STMN2: variants seen among roughly 807,000 people sequenced by gnomAD.
STMN2 encodes stathmin 2.
Under a neutral mutation model 24.1 loss-of-function variants are expected in STMN2, and 2 were observed. The ratio of observed to expected loss-of-function variants is 0.08; its 90% CI spans 0.03 to 0.26. The LOEUF is 0.26. Among genes scored for constraint, STMN2 ranks in the 10% least tolerant of loss-of-function variants. The pLI is 1.00. For missense variants in STMN2, 114 were observed against 213.6 expected, an observed-to-expected ratio of 0.53 and a Z score of 2.91; for synonymous variants, 83 against 77.5, an observed-to-expected ratio of 1.07 and a Z score of -0.37.
chr8:79,651,303 A>C (rs1213400466), intron 3 of STMN2, among the ~76,000 whole-genome samples: 1 of 152,228 alleles, frequency 6.6e-6, no homozygotes. Context: ...AAAGAAATGC[A>C]CTTGACACCT....
At chr8:79,655,816 T>C (rs1003794485) in intron 4 of STMN2, among the ~76,000 whole-genome samples, 2 of 152,220 alleles carry the variant, frequency 1.3e-5, no homozygotes, top group African/African-American at 4.8e-5. Flanking sequence ...CTGTGTCCGT[T>C]TCCAGAAATT....
At position 79,665,097 on chromosome 8, in the gene STMN2, T is replaced by G; in HGVS notation, c.*223T>G. The G allele has an allele frequency of 2.9e-6, 1 of 345,610 alleles. No homozygotes were observed. The highest frequency in any genetic ancestry group is 5.2e-6 in the Non-Finnish European group (1 of 192,824). 21.4% of individuals were successfully genotyped at this position (345,610 alleles called of 1,614,324 possible). ...AATACCTTGGATCTTATTTTGTAAA[T>G]ACTTACATTTTTGTTAAAAAATACA... is the stretch of plus-strand genomic sequence containing the variant. On this transcript the variant is annotated 3_prime_UTR_variant, in exon 5 of 5. Transcript: ENST00000220876.
chr8:79,628,475 G>T (rs572190499), intron 1 of STMN2, among the ~76,000 whole-genome samples: 151 of 152,150 alleles, frequency 9.9e-4, no homozygotes, highest in African/African-American at 3.5e-3. Flanking sequence ...TTAATTTTTT[G>T]AGGAGCCTCC....
At chr8:79,653,232 C>T (rs1305439765) in intron 3 of STMN2, among the ~76,000 whole-genome samples, 1 of 152,054 alleles carries the variant, frequency 6.6e-6, no homozygotes, top group Admixed American at 6.6e-5. Flanking sequence ...CAAAAATTAG[C>T]AGGGTGTGGT....
chr8:79,646,139 C>G (rs1310392457), intron 3 of STMN2, among the ~76,000 whole-genome samples: 2 of 152,058 alleles, frequency 1.3e-5, no homozygotes, highest in African/African-American at 4.8e-5. Context: ...ATTCCACCCT[C>G]CCATCCTAAA....
intron 1 of STMN2, among the ~76,000 whole-genome samples, chr8:79,616,205 T>A (rs1293903157): frequency 2.0e-5 from 3 of 152,220 alleles, no homozygotes; most frequent in Non-Finnish European, 4.4e-5. Context: ...CATTTAAAGA[T>A]ACCTTTTTAA....
chr8:79,649,604 AT>A (rs150431232), intron 3 of STMN2, among the ~76,000 whole-genome samples: 1,633 of 152,280 alleles, frequency 0.011, 34 homozygotes, highest in African/African-American at 0.038. Context: ...GTGTAAAAGC[AT>A]TTTTTGGTAC....
intron 1 of STMN2, among the ~76,000 whole-genome samples, chr8:79,629,649 T>C (rs943756857): frequency 4.6e-5 from 7 of 152,224 alleles, no homozygotes; most frequent in African/African-American, 9.6e-5. Context: ...GGCTCCTACA[T>C]GCAGTTTTTG....
chr8:79,619,505 C>A (rs573335222), intron 1 of STMN2, among the ~76,000 whole-genome samples: 11 of 152,022 alleles, frequency 7.2e-5, no homozygotes, highest in Admixed American at 7.2e-4. Context: ...ACGAAACAAC[C>A]CCAACTTATA....
At chr8:79,631,054 AGGAC>A (rs1745888372) in intron 1 of STMN2, among the ~76,000 whole-genome samples, 1 of 152,196 alleles carries the variant, frequency 6.6e-6, no homozygotes, top group South Asian at 2.1e-4. Context: ...AAAGAAAAAA[AGGAC>A]AAGAGCCTGC....
intron 3 of STMN2, among the ~76,000 whole-genome samples, chr8:79,644,329 T>G (rs1471316559): frequency 6.6e-6 from 1 of 152,208 alleles, no homozygotes; most frequent in Non-Finnish European, 1.5e-5. Context: ...ATTTAACTGG[T>G]TTCATTATCA....
At chr8:79,631,549 A>T in intron 1 of STMN2, 3 of 716,970 alleles carry the variant, frequency 4.2e-6, no homozygotes, top group Non-Finnish European at 5.1e-6. Flanking sequence ...GGTATTTTAA[A>T]ATCTGAGTTA....
intron 1 of STMN2, among the ~76,000 whole-genome samples, chr8:79,618,336 G>A (rs1809431054): frequency 6.6e-6 from 1 of 152,184 alleles, no homozygotes; most frequent in South Asian, 2.1e-4. Context: ...GCTCAGCACA[G>A]CATCGATTTC....
At chr8:79,641,292 C>A in intron 2 of STMN2, 86 bp from the exon 3 acceptor site, 1 of 1,424,204 alleles carries the variant, frequency 7.0e-7, no homozygotes, top group Non-Finnish European at 9.5e-7. Context: ...AACAACGCTA[C>A]TTCCAATTGC....
At chr8:79,631,552 C>G in intron 1 of STMN2, 1 of 706,154 alleles carries the variant, frequency 1.4e-6, no homozygotes. Context: ...ATTTTAAAAT[C>G]TGAGTTATTT....
chr8:79,645,386 G>A (rs1030604117), intron 3 of STMN2, among the ~76,000 whole-genome samples: 13 of 151,840 alleles, frequency 8.6e-5, no homozygotes, highest in African/African-American at 3.1e-4. Context: ...TGTATTTTAC[G>A]TTTACAACTC....
intron 3 of STMN2, among the ~76,000 whole-genome samples, chr8:79,646,974 T>C (rs1420779059): frequency 6.6e-6 from 1 of 151,814 alleles, no homozygotes; most frequent in Non-Finnish European, 1.5e-5. Flanking sequence ...AGTTGGAGAG[T>C]AGCGAGGTGG....
chr8:79,622,785 A>G (rs536911051), intron 1 of STMN2, among the ~76,000 whole-genome samples: 18 of 152,172 alleles, frequency 1.2e-4, no homozygotes, highest in African/African-American at 4.3e-4. Context: ...TAGAAATATT[A>G]AAATACAAAA....
chr8:79,650,256 C>G (rs1201359617), intron 3 of STMN2, among the ~76,000 whole-genome samples: 1 of 152,184 alleles, frequency 6.6e-6, no homozygotes, highest in East Asian at 1.9e-4. Flanking sequence ...TTATTTTTAA[C>G]AACTTTTAGC....
Sources: allele counts gnomAD v4.1 joint callset (sites outside exome capture counted in the v4.1 genomes callset), GRCh38; gene constraint gnomAD v4.1.1; transcripts MANE v1.5; gene names NCBI Gene and HGNC (gene_info 2026-07-23, HGNC 2026-07-21).